AFF3: variants seen among roughly 807,000 people sequenced by gnomAD.
AFF3 encodes ALF transcription elongation factor 3, also known as AF4/FMR2 family member 3.
AFF3 carries 32 observed loss-of-function variants against 129.7 expected under a neutral mutation model. The ratio of observed to expected loss-of-function variants is 0.25; its 90% confidence interval spans 0.19 to 0.33. The LOEUF is 0.33. AFF3 is among the 10% of genes least tolerant of loss of function. The pLI is 1.00. For missense variants in AFF3, 1,373 were observed against 1,592.0 expected (o/e 0.86, Z 2.34); for synonymous variants, 644 against 635.4 (o/e 1.01, Z -0.20).
intron 11 of AFF3, among the ~76,000 whole-genome samples, chr2:99,683,590 T>C (rs931746124): frequency 1.3e-5 from 2 of 152,054 alleles, no homozygotes; most frequent in African/African-American, 4.8e-5. Flanking sequence ...GCTGGAACTA[T>C]AGGTGGCCCA....
intron 8 of AFF3, among the ~76,000 whole-genome samples, chr2:99,776,803 C>T (rs1683936811): frequency 6.6e-6 from 1 of 152,178 alleles, no homozygotes; most frequent in Non-Finnish European, 1.5e-5. Flanking sequence ...TGGTAGACTC[C>T]AGCCAAAATT....
intron 7 of AFF3, among the ~76,000 whole-genome samples, chr2:99,912,205 A>G (rs559486841): frequency 6.6e-6 from 1 of 152,312 alleles, no homozygotes; most frequent in South Asian, 2.1e-4. Flanking sequence ...TAACATAAGA[A>G]CCTAGCATTA....
intron 12 of AFF3, among the ~76,000 whole-genome samples, chr2:99,660,299 T>C (rs1245111029): frequency 1.3e-5 from 2 of 152,256 alleles, no homozygotes; most frequent in African/African-American, 4.8e-5. Flanking sequence ...GGTATTTTTG[T>C]TAAAAATGCA....
intron 9 of AFF3, among the ~76,000 whole-genome samples, chr2:99,747,115 G>A (rs1295929807): frequency 4.0e-5 from 6 of 150,604 alleles, no homozygotes; most frequent in African/African-American, 9.8e-5. Flanking sequence ...TGCAGCCTCC[G>A]CCTCCCAGGT....
chr2:99,744,601 A>T (rs1680988536), intron 9 of AFF3, among the ~76,000 whole-genome samples: 1 of 152,088 alleles, frequency 6.6e-6, no homozygotes. Context: ...TCTTGGATTT[A>T]TCTATTCTGG....
At chr2:99,698,980 A>T (rs1676572771) in intron 11 of AFF3, among the ~76,000 whole-genome samples, 1 of 152,216 alleles carries the variant, frequency 6.6e-6, no homozygotes, top group African/African-American at 2.4e-5. Flanking sequence ...GCTTTAGTAA[A>T]ATATATAAGA....
intron 13 of AFF3, among the ~76,000 whole-genome samples, chr2:99,632,231 T>C (rs1575555735): frequency 6.6e-6 from 1 of 152,030 alleles, no homozygotes; most frequent in Admixed American, 6.6e-5. Flanking sequence ...GCCAGGCTGG[T>C]CTTGAACTCC....
rs993982894 is a variant in AFF3, at chr2:100,006,578, A to C, written c.873+54T>G. 1.2e-5 allele frequency: 18 copies of C among 1,515,674 alleles called. No individual in the cohort carries two copies. The Admixed American group carries it at 3.6e-4, about 30-fold the overall frequency. The allele number at this position is 1,515,674 out of a possible 1,614,324, so 93.9% of individuals were successfully genotyped here. A position where few individuals can be genotyped will look rare whatever the true frequency, so the allele number is the denominator to read the frequency against. Reference sequence around the variant, plus strand: ...ATGGAAACTGAATTCACGAGGGTCAAATTGTCACTTGTAACTATGCAGTTG... The same window carrying C: ...ATGGAAACTGAATTCACGAGGGTCACATTGTCACTTGTAACTATGCAGTTG... On this transcript the variant is annotated intron_variant, in intron 7 of 24. Transcript: ENST00000672756.
Position 99,620,350 on chromosome 2 carries a change from C to A in AFF3, c.1185-18729G>T, listed in dbSNP as rs76494433. Among the ~76,000 whole-genome samples, 91 of 152,234 alleles carry A rather than the reference C, an allele frequency of 6.0e-4. 1 individual carries two copies. Among genetic ancestry groups the A allele is most frequent in the African/African-American group, 1.8e-3 (76 of 41,524 alleles). ...CTTAATTAAAAAGAAAAAAACAGGCCAGGTCTGGTGACTCACACCTGTATT... is the reference window on the plus strand; with the variant it reads ...CTTAATTAAAAAGAAAAAAACAGGCAAGGTCTGGTGACTCACACCTGTATT... On this transcript the variant is annotated intron_variant, in intron 13 of 24. Coordinates refer to ENST00000672756, the MANE Select transcript of AFF3 (RefSeq NM_001386135.1).
chr2:99,922,220 A>T (rs1240177907), intron 7 of AFF3, among the ~76,000 whole-genome samples: 3 of 152,190 alleles, frequency 2.0e-5, no homozygotes, highest in Non-Finnish European at 4.4e-5. Context: ...TTTCACTCCT[A>T]GGGGTTTATA....
intron 11 of AFF3, among the ~76,000 whole-genome samples, chr2:99,709,036 A>G (rs1309011536): frequency 6.6e-6 from 1 of 152,222 alleles, no homozygotes; most frequent in Non-Finnish European, 1.5e-5. Context: ...GTAAAGGGAG[A>G]AAGTACCAGA....
At chr2:99,880,679 G>A (rs1413282696) in intron 7 of AFF3, among the ~76,000 whole-genome samples, 1 of 152,146 alleles carries the variant, frequency 6.6e-6, no homozygotes, top group Non-Finnish European at 1.5e-5. Context: ...GAGTAGCTGG[G>A]AAAATCCACA....
intron 11 of AFF3, among the ~76,000 whole-genome samples, chr2:99,700,281 C>T (rs919153396): frequency 5.3e-5 from 8 of 152,214 alleles, no homozygotes; most frequent in Middle Eastern, 6.8e-3. Flanking sequence ...CCACCATGCC[C>T]GGCTAATTTT....
chr2:100,119,609 G>A (rs891517738), intron 2 of AFF3, among the ~76,000 whole-genome samples: 4 of 152,250 alleles, frequency 2.6e-5, no homozygotes, highest in Non-Finnish European at 2.9e-5. Flanking sequence ...AGTATTGAGT[G>A]TTAATAAAGT....
At chr2:99,752,325 C>T in intron 8 of AFF3, 24 bp from the exon 9 acceptor site, 1 of 1,593,442 alleles carries the variant, frequency 6.3e-7, no homozygotes, top group Non-Finnish European at 8.6e-7. Flanking sequence ...TAAAAACAAA[C>T]AATATTGTGA....
intron 11 of AFF3, among the ~76,000 whole-genome samples, chr2:99,702,289 G>A (rs914007007): frequency 3.2e-4 from 49 of 152,096 alleles, no homozygotes; most frequent in Non-Finnish European, 2.4e-4. Flanking sequence ...CATTATTTTA[G>A]ACATTCTGGT....
intron 11 of AFF3, among the ~76,000 whole-genome samples, chr2:99,712,848 C>T (rs933338362): frequency 2.0e-5 from 3 of 152,088 alleles, no homozygotes; most frequent in East Asian, 1.9e-4. Flanking sequence ...TGTCCATTGA[C>T]GGATAAATGG....
In AFF3 at chr2:100,006,847, G is replaced by C; in HGVS notation, c.658C>G (p.Leu220Val). 1 of 1,614,232 alleles carries C rather than the reference G, an allele frequency of 6.2e-7. No homozygotes were observed. The highest frequency in any genetic ancestry group is 1.6e-4 in the Middle Eastern group (1 of 6,062). ...TGGACCAGGCTGGGTTTTGAAGCTAGGGATGGAGGAAAGTTCTGAACACAG... is the reference window on the plus strand; with the variant it reads ...TGGACCAGGCTGGGTTTTGAAGCTACGGATGGAGGAAAGTTCTGAACACAG... ...GHCVQNFPPS[L>V]ASKPSLVQQK... is the part of the protein sequence containing the mutation. Residue 220 changes from leucine (L) to valine (V), a missense_variant, in exon 7 of 25, where the codon CTA (leucine) becomes GTA (valine). By Grantham distance (32) the Leu-to-Val change is conservative. Around this residue, in one of 9 missense-constraint regions of AFF3, gnomAD observed 255 missense variants for 256.0 expected, o/e 1.00. Transcript: ENST00000672756.
intron 11 of AFF3, among the ~76,000 whole-genome samples, chr2:99,725,568 G>C (rs1364988429): frequency 6.6e-6 from 1 of 152,072 alleles, no homozygotes; most frequent in Non-Finnish European, 1.5e-5. Context: ...GGTCTCAAGT[G>C]ATCTGCCTGC....
Sources: allele counts gnomAD v4.1 joint callset (sites outside exome capture counted in the v4.1 genomes callset), GRCh38; gene constraint gnomAD v4.1.1; regional missense constraint gnomAD v4.1.1; transcripts MANE v1.5; gene names NCBI Gene and HGNC (gene_info 2026-07-23, HGNC 2026-07-21).